The following HK2 variants were observed in gnomAD, a reference collection of about 807,000 sequenced individuals.
HK2 encodes hexokinase-2.
HK2 carries 42 observed loss-of-function variants against 92.9 expected under a neutral mutation model. The observed-to-expected ratio is 0.45, with a 90% confidence interval of 0.35 to 0.58. The LOEUF (loss-of-function observed/expected upper bound fraction) is 0.58. HK2 is among the 20% of genes least tolerant of loss of function. The probability of loss-of-function intolerance (pLI) is 0.00; values close to 1 mark genes in which losing one functional copy is unlikely to be tolerated. For synonymous variants in HK2, 422 were observed against 468.0 expected, an observed-to-expected ratio of 0.90 and a Z score of 1.27; for missense variants, 978 against 1,245.1, an observed-to-expected ratio of 0.79 and a Z score of 3.23.
chr2:74,885,668 C>T, intron 13 of HK2, 79 bp downstream of exon 13: 2 of 969,322 alleles, frequency 2.1e-6, no homozygotes, highest in South Asian at 2.6e-5. Flanking sequence ...AAAGTGAAGG[C>T]AACAGTAAGT....
chr2:74,853,216 C>A (rs1408592074), intron 1 of HK2, among the ~76,000 whole-genome samples: 1 of 152,034 alleles, frequency 6.6e-6, no homozygotes, highest in Non-Finnish European at 1.5e-5. Flanking sequence ...CCAGACCTTA[C>A]CATAAGATTA....
chr2:74,882,908 A>G (rs868143219), intron 12 of HK2, among the ~76,000 whole-genome samples: 8 of 151,988 alleles, frequency 5.3e-5, no homozygotes, highest in Middle Eastern at 3.4e-3. Context: ...TTTTCATGCC[A>G]TATCCTGTTG....
intron 1 of HK2, among the ~76,000 whole-genome samples, chr2:74,847,796 C>T (rs970611623): frequency 1.3e-5 from 2 of 152,184 alleles, no homozygotes; most frequent in African/African-American, 2.4e-5. Flanking sequence ...GTTTTCATCC[C>T]ATCGGCCTAT....
chr2:74,835,502 C>T (rs994169886), intron 1 of HK2, among the ~76,000 whole-genome samples: 2 of 152,242 alleles, frequency 1.3e-5, no homozygotes, highest in Non-Finnish European at 2.9e-5. Context: ...CCACCTGGCT[C>T]CGCAGCTCCC....
chr2:74,862,210 C>A (rs970139681), intron 2 of HK2, among the ~76,000 whole-genome samples: 11 of 152,218 alleles, frequency 7.2e-5, no homozygotes, highest in Admixed American at 2.6e-4. Context: ...GGCAACTTGC[C>A]CAAAGTCACA....
intron 1 of HK2, among the ~76,000 whole-genome samples, chr2:74,840,504 T>A (rs1426979405): frequency 6.6e-6 from 1 of 152,030 alleles, no homozygotes; most frequent in Non-Finnish European, 1.5e-5. Context: ...TTATCATCGT[T>A]GAGCTTTGAA....
chr2:74,839,659 A>ATTTT (rs10675736), intron 1 of HK2, among the ~76,000 whole-genome samples: 1,766 of 143,248 alleles, frequency 0.012, 18 homozygotes, highest in Non-Finnish European at 0.017. Flanking sequence ...GCCAAAGTCA[A>ATTTT]TTTTTTTTTT....
intron 1 of HK2, among the ~76,000 whole-genome samples, chr2:74,851,856 A>C (rs1348764499): frequency 2.6e-5 from 4 of 152,098 alleles, no homozygotes; most frequent in Admixed American, 2.0e-4. Flanking sequence ...CTGCATTGGG[A>C]GGTGACTGGA....
At chr2:74,872,262 G>A (rs896161528) in intron 3 of HK2, 38 bp from the exon 4 acceptor site, 3 of 1,611,790 alleles carry the variant, frequency 1.9e-6, no homozygotes, top group South Asian at 1.1e-5. Flanking sequence ...TATGCTGTTC[G>A]ACCTCTCTGC....
rs1192669087 is a variant in HK2 at position 74,873,757 on chromosome 2, G to C, written c.592-87G>C. 5 of 827,806 alleles carry C rather than the reference G, an allele frequency of 6.0e-6. No individual in the cohort carries two copies. The East Asian group carries it at 1.3e-4, about 21-fold the overall frequency. 51.3% of individuals were successfully genotyped at this position (827,806 alleles called of 1,614,324 possible). On this transcript the variant is annotated intron_variant, in intron 5 of 17. Coordinates refer to ENST00000290573, the MANE Select transcript of HK2 (RefSeq NM_000189.5). ...GGGGAGAGAGAGAGAAGGAGGAGGA[G>C]GAGGAGGAGGAGTGATATATAGCTG...
At chr2:74,835,076 G>A in intron 1 of HK2, 1 of 258,936 alleles carries the variant, frequency 3.9e-6, no homozygotes, top group South Asian at 4.1e-5. Flanking sequence ...TGGGGCCGCC[G>A]GGGGCCGTCC....
chr2:74,840,059 C>T (rs61487361), intron 1 of HK2, among the ~76,000 whole-genome samples: 3 of 148,352 alleles, frequency 2.0e-5, no homozygotes, highest in South Asian at 4.3e-4. Context: ...GGGTTCCTGC[C>T]GTTCGCCTGC....
chr2:74,834,679 T>C lies in HK2; in HGVS notation c.63+36T>C, dbSNP rs1372465610. The C allele has an allele frequency of 6.2e-7, 1 of 1,606,480 alleles. No individual in the cohort carries two copies. The highest frequency in any genetic ancestry group is 8.5e-7 in the Non-Finnish European group (1 of 1,173,214). On this transcript the variant is annotated intron_variant, in intron 1 of 17. Coordinates refer to ENST00000290573, the MANE Select transcript of HK2 (RefSeq NM_000189.5). This position sits in a 1 kb window ranked among gnomAD's most constrained non-coding sequence, Gnocchi z 4.2. ...GCGGGCGGGGCGGCAGGCTGGGCTCTGGCAAAGTGGTCTGGCCTCCATCAG... is the reference window on the plus strand; with the variant it reads ...GCGGGCGGGGCGGCAGGCTGGGCTCCGGCAAAGTGGTCTGGCCTCCATCAG...
At chr2:74,859,509 AC>A (rs939973289) in intron 2 of HK2, among the ~76,000 whole-genome samples, 27 of 152,256 alleles carry the variant, frequency 1.8e-4, no homozygotes, top group Admixed American at 1.3e-3. Flanking sequence ...ACACGGTGAA[AC>A]CCTGTCTCTA....
Position 74,888,109 on chromosome 2 carries a change from C to T in HK2, c.2375+51C>T, listed in dbSNP as rs759940477. The T allele has an allele frequency of 2.5e-5, 39 of 1,585,486 alleles. 1 individual carries two copies. In the African/African-American group the frequency reaches 3.5e-4, roughly 14 times the overall value. On this transcript the variant is annotated intron_variant, in intron 16 of 17. Transcript: ENST00000290573. ...AGGGGGGCCATGTCCTTTTTTCTCA[C>T]TGGCAGACAAACTGAAGGATTTCCA...
chr2:74,886,722 C>A, intron 15 of HK2, 49 bp downstream of exon 15: 1 of 1,579,528 alleles, frequency 6.3e-7, no homozygotes, highest in Non-Finnish European at 8.7e-7. Flanking sequence ...GACTGGATGG[C>A]AACAAGTGAT....
chr2:74,837,936 A>T (rs1454368858), intron 1 of HK2, among the ~76,000 whole-genome samples: 1 of 151,786 alleles, frequency 6.6e-6, no homozygotes, highest in African/African-American at 2.4e-5. Flanking sequence ...AGCCTCCCGT[A>T]GTGTTGGGAT....
At position 74,891,037 on chromosome 2, in the gene HK2, GC is replaced by G. The variant is rs1400916338; in HGVS notation, c.*97del. On this transcript the variant is annotated 3_prime_UTR_variant, in exon 18 of 18. Transcript: ENST00000290573. ...CCTTGTGTCAGAGACAGACCCCTTG[GC>G]TTTTGCTTGGCAGAGAGGACCCCAC... 1.4e-6 allele frequency: 2 copies of G among 1,468,920 alleles called. No homozygotes were observed. The highest frequency in any genetic ancestry group is 2.8e-5 in the African/African-American group (2 of 71,774). The allele number at this position is 1,468,920 out of a possible 1,614,324, so 91.0% of individuals were successfully genotyped here. A position where few individuals can be genotyped will look rare whatever the true frequency, so the allele number is the denominator to read the frequency against.
Position 74,877,217 on chromosome 2 carries a change from C to T in HK2, c.927C>T (p.Ile309=). Residue 309 remains isoleucine, a synonymous_variant, in exon 8 of 18, where the codon ATC becomes ATT. Coordinates refer to ENST00000290573, the MANE Select transcript of HK2 (RefSeq NM_000189.5). ...ACATGGGGGAGCTGGTGAGGCTTAT[C>T]CTGGTGAAGATGGCCAAGGAGGAGC... The part of the protein sequence containing the change: ...GMYMGELVRL[I]LVKMAKEELL... 6.2e-7 allele frequency: 1 copy of T among 1,614,110 alleles called. No individual in the cohort carries two copies.
Sources: gnomAD v4.1 joint callset for allele counts (sites outside exome capture counted in the v4.1 genomes callset) on GRCh38, gnomAD v4.1.1 for gene constraint, Gnocchi (gnomAD v3.1) non-coding constraint, MANE v1.5 for transcripts, NCBI Gene and HGNC (gene_info 2026-07-23, HGNC 2026-07-21) for gene names.